Variants in ANO3 observed in about 807,000 individuals in gnomAD.
ANO3 encodes the protein anoctamin 3, also known as anoctamin-3.
Under a neutral mutation model 144.8 loss-of-function variants are expected in ANO3, and 99 were observed. That is an observed-to-expected ratio of 0.68 (90% CI 0.58 to 0.81). The LOEUF (loss-of-function observed/expected upper bound fraction) is 0.81. Ranked by LOEUF, ANO3 falls within the 30% of genes least tolerant of loss-of-function variation. ANO3 has a pLI of 0.00. For missense variants in ANO3, 905 were observed against 1,202.2 expected (o/e 0.75, Z 3.66); for synonymous variants, 414 against 392.6 (o/e 1.05, Z -0.64).
In ANO3 at chr11:26,332,325, A is replaced by C; in HGVS notation, c.46+4A>C. 6.2e-7 allele frequency: 1 copy of C among 1,613,784 alleles called. No individual in the cohort carries two copies. The highest frequency in any genetic ancestry group is 8.5e-7 in the Non-Finnish European group (1 of 1,179,966). On this transcript the variant is annotated splice_donor_region_variant and intron_variant, in intron 1 of 26. Transcript: ENST00000256737. The stretch of plus-strand genomic sequence containing the variant: ...CAGTCCTTTAAACAGCAAAAAGGTC[A>C]GTTGGAATCTTGCTCCCCTCTCCCT...
chr11:26,245,157 G>A (rs1852761578), intron 1 of ANO3, among the ~76,000 whole-genome samples: 1 of 152,026 alleles, frequency 6.6e-6, no homozygotes, highest in African/African-American at 2.4e-5. Context: ...CAAGAAAAAT[G>A]CATGGGTAAA....
chr11:26,307,538 A>G (rs1854411566), upstream of ANO3, among the ~76,000 whole-genome samples: 1 of 151,654 alleles, frequency 6.6e-6, no homozygotes, highest in Non-Finnish European at 1.5e-5. Flanking sequence ...TCTCTACTAA[A>G]AATTTAAATG....
At chr11:26,262,350 A>G (rs1250517263) in intron 1 of ANO3, among the ~76,000 whole-genome samples, 1 of 152,232 alleles carries the variant, frequency 6.6e-6, no homozygotes, top group South Asian at 2.1e-4. Flanking sequence ...CAAGTGGCAC[A>G]TTTTAATTTT....
At chr11:26,540,947 T>A (rs1849626982) in intron 10 of ANO3, among the ~76,000 whole-genome samples, 1 of 152,152 alleles carries the variant, frequency 6.6e-6, no homozygotes, top group Non-Finnish European at 1.5e-5. Flanking sequence ...TATTACTGGG[T>A]ATATACCCAA....
At chr11:26,578,814 T>G (rs1304901399) in intron 14 of ANO3, among the ~76,000 whole-genome samples, 1 of 152,190 alleles carries the variant, frequency 6.6e-6, no homozygotes, top group Non-Finnish European at 1.5e-5. Flanking sequence ...ATAGAGCCTT[T>G]TCTTTCCAGC....
intron 20 of ANO3, among the ~76,000 whole-genome samples, chr11:26,638,236 G>A (rs142936870): frequency 5.9e-5 from 9 of 152,218 alleles, no homozygotes; most frequent in Non-Finnish European, 1.3e-4. Flanking sequence ...GGAAAAATGA[G>A]CAGCTTTCCA....
chr11:26,417,705 A>G (rs1390672508), intron 1 of ANO3, among the ~76,000 whole-genome samples: 6 of 135,778 alleles, frequency 4.4e-5, no homozygotes, highest in Admixed American at 2.8e-4. Context: ...AATGTAAAGT[A>G]TTATGTTTAA....
intron 26 of ANO3, among the ~76,000 whole-genome samples, chr11:26,657,089 A>G (rs895364703): frequency 2.0e-5 from 3 of 152,174 alleles, no homozygotes; most frequent in Non-Finnish European, 2.9e-5. Flanking sequence ...ACTGGGATAT[A>G]TTGAGTATCT....
At chr11:26,223,609 A>T (rs1361117225) in intron 1 of ANO3, among the ~76,000 whole-genome samples, 1,818 of 151,564 alleles carry the variant, frequency 0.012, 55 homozygotes, top group African/African-American at 0.043. Context: ...TAATAAAAAA[A>T]AAAAAAAAAA....
At chr11:26,605,142 C>A (rs552624627) in intron 17 of ANO3, among the ~76,000 whole-genome samples, 1 of 152,104 alleles carries the variant, frequency 6.6e-6, no homozygotes, top group East Asian at 1.9e-4. Context: ...TGAATTTTAT[C>A]GAAGGCCTTT....
chr11:26,659,099 C>CGCAT (rs1554986687), intron 26 of ANO3, among the ~76,000 whole-genome samples: 3 of 150,010 alleles, frequency 2.0e-5, no homozygotes, highest in Non-Finnish European at 4.5e-5. Flanking sequence ...CACACACACA[C>CGCAT]ATATATATAT....
intron 1 of ANO3, among the ~76,000 whole-genome samples, chr11:26,300,394 C>G (rs995480934): frequency 9.9e-5 from 15 of 152,032 alleles, no homozygotes; most frequent in African/African-American, 3.4e-4. Context: ...GACATTTGCC[C>G]CCCATTTTAT....
At chr11:26,398,071 T>G (rs577398231) in intron 1 of ANO3, among the ~76,000 whole-genome samples, 1 of 151,932 alleles carries the variant, frequency 6.6e-6, no homozygotes, top group South Asian at 2.1e-4. Flanking sequence ...GCATATGAAA[T>G]GTATGTTTAA....
chr11:26,197,375 G>A (rs527831398), intron 1 of ANO3, among the ~76,000 whole-genome samples: 3 of 152,046 alleles, frequency 2.0e-5, no homozygotes, highest in Non-Finnish European at 4.4e-5. Flanking sequence ...TTGAGATGGA[G>A]TCTCACTCTG....
At chr11:26,601,835 C>A (rs1851807577) in intron 17 of ANO3, among the ~76,000 whole-genome samples, 1 of 152,060 alleles carries the variant, frequency 6.6e-6, no homozygotes, top group Non-Finnish European at 1.5e-5. Context: ...GAAGCAGTTG[C>A]CCAATTTGAT....
chr11:26,599,443 G>T (rs1438819193), intron 16 of ANO3, 107 bp from the exon 17 acceptor site: 2 of 1,152,298 alleles, frequency 1.7e-6, no homozygotes, highest in East Asian at 4.8e-5. Flanking sequence ...TTCTTGGAAA[G>T]GTAAATACCT....
At chr11:26,275,941 T>A (rs1169123895) in intron 1 of ANO3, among the ~76,000 whole-genome samples, 1 of 152,186 alleles carries the variant, frequency 6.6e-6, no homozygotes, top group Non-Finnish European at 1.5e-5. Flanking sequence ...GAAGCTGTAT[T>A]CACTGTCATT....
intron 1 of ANO3, among the ~76,000 whole-genome samples, chr11:26,362,115 A>C (rs539897651): frequency 6.6e-6 from 1 of 152,208 alleles, no homozygotes; most frequent in South Asian, 2.1e-4. Context: ...TAAATTCCTT[A>C]TTTACTATGG....
intron 1 of ANO3, among the ~76,000 whole-genome samples, chr11:26,285,036 C>T (rs962316172): frequency 6.6e-6 from 1 of 152,126 alleles, no homozygotes; most frequent in Non-Finnish European, 1.5e-5. Context: ...GTTAAAACCG[C>T]CTTTACTTCA....
Sources: gnomAD v4.1 joint callset for allele counts (sites outside exome capture counted in the v4.1 genomes callset) on GRCh38, gnomAD v4.1.1 for gene constraint, MANE v1.5 for transcripts, NCBI Gene and HGNC (gene_info 2026-07-23, HGNC 2026-07-21) for gene names.